ZBTB7C: variants seen among roughly 807,000 people sequenced by gnomAD.
The protein encoded by ZBTB7C is zinc finger and BTB domain-containing protein 7C.
ZBTB7C carries 8 observed loss-of-function variants against 25.7 expected under a neutral mutation model. That is an observed-to-expected ratio of 0.31 (90% CI 0.18 to 0.56). The LOEUF is 0.56. ZBTB7C is among the 20% of genes least tolerant of loss of function. ZBTB7C has a pLI of 0.91. For missense variants in ZBTB7C, 824 were observed against 855.2 expected, an observed-to-expected ratio of 0.96 and a Z score of 0.46; for synonymous variants, 394 against 369.0, an observed-to-expected ratio of 1.07 and a Z score of -0.78.
intron 3 of ZBTB7C, among the ~76,000 whole-genome samples, chr18:48,050,133 C>T (rs540552681): frequency 1.2e-4 from 19 of 152,278 alleles, no homozygotes; most frequent in Admixed American, 5.9e-4. Flanking sequence ...GGTCTTTACT[C>T]GTGGTCTGTA....
intron 3 of ZBTB7C, among the ~76,000 whole-genome samples, chr18:48,044,884 C>A (rs957040851): frequency 6.6e-6 from 1 of 152,212 alleles, no homozygotes; most frequent in African/African-American, 2.4e-5. Context: ...TTGTTACCAT[C>A]GTTCCCATTT....
intron 3 of ZBTB7C, among the ~76,000 whole-genome samples, chr18:48,093,794 G>A (rs1449288689): frequency 6.6e-6 from 1 of 152,166 alleles, no homozygotes; most frequent in African/African-American, 2.4e-5. Flanking sequence ...GGTGGCTCAC[G>A]CCTGTAATCC....
chr18:48,199,250 T>C (rs1182580792), intron 2 of ZBTB7C, among the ~76,000 whole-genome samples: 1 of 152,332 alleles, frequency 6.6e-6, no homozygotes, highest in South Asian at 2.1e-4. Context: ...GAAGCTCTTG[T>C]ATAACTTCTC....
At chr18:48,282,135 A>G (rs1259805147) in intron 2 of ZBTB7C, among the ~76,000 whole-genome samples, 1 of 151,292 alleles carries the variant, frequency 6.6e-6, no homozygotes, top group African/African-American at 2.4e-5. Flanking sequence ...GCAGCCATAA[A>G]AAATGATGAG....
intron 3 of ZBTB7C, among the ~76,000 whole-genome samples, chr18:48,178,831 C>T (rs2041776839): frequency 6.6e-6 from 1 of 152,166 alleles, no homozygotes; most frequent in South Asian, 2.1e-4. Flanking sequence ...GAGACACTGA[C>T]AGATCCAGGA....
upstream of ZBTB7C, among the ~76,000 whole-genome samples, chr18:48,411,958 T>G (rs1011984320): frequency 6.6e-6 from 1 of 152,262 alleles, no homozygotes. Context: ...AAACGTTGCT[T>G]TGCAATAATT....
At chr18:48,096,895 G>T (rs1338825876) in intron 3 of ZBTB7C, among the ~76,000 whole-genome samples, 2 of 152,244 alleles carry the variant, frequency 1.3e-5, no homozygotes, top group Admixed American at 6.5e-5. Flanking sequence ...AGTCCCGAAA[G>T]GGAAGTCTGA....
Position 48,029,105 on chromosome 18 carries a change from C to T in ZBTB7C, c.*155G>A, listed in dbSNP as rs1249136718. 8.8e-7 allele frequency: 1 copy of T among 1,136,332 alleles called. No homozygotes were observed. Among genetic ancestry groups the T allele is most frequent in the Non-Finnish European group, 1.2e-6 (1 of 850,200 alleles). The allele number at this position is 1,136,332 out of a possible 1,614,324, so 70.4% of individuals were successfully genotyped here. On this transcript the variant is annotated 3_prime_UTR_variant, in exon 5 of 5. Transcript: ENST00000590800. Reference sequence around the variant, plus strand: ...CAAAAGGAGGCAGCTGCTTTAGGAGCCCGGGAAAATGCCATCACTGATAGT... The same window carrying T: ...CAAAAGGAGGCAGCTGCTTTAGGAGTCCGGGAAAATGCCATCACTGATAGT...
intron 1 of ZBTB7C, among the ~76,000 whole-genome samples, chr18:48,350,097 G>T (rs938663614): frequency 4.6e-5 from 7 of 152,158 alleles, no homozygotes; most frequent in African/African-American, 1.7e-4. Context: ...TGTTTTGAGT[G>T]GAATATTAGC....
chr18:48,347,642 A>G, intron 1 of ZBTB7C, among the ~76,000 whole-genome samples: 1 of 152,154 alleles, frequency 6.6e-6, no homozygotes, highest in Non-Finnish European at 1.5e-5. Flanking sequence ...CCCTTACCTG[A>G]CCCAGCCAAC....
At chr18:48,078,213 C>A (rs2144459083) in intron 3 of ZBTB7C, among the ~76,000 whole-genome samples, 1 of 152,328 alleles carries the variant, frequency 6.6e-6, no homozygotes, top group Non-Finnish European at 1.5e-5. Context: ...AATTCTCAAG[C>A]TCCTGCAATA....
chr18:48,056,065 T>C (rs2036905000), intron 3 of ZBTB7C, among the ~76,000 whole-genome samples: 1 of 152,208 alleles, frequency 6.6e-6, no homozygotes. Context: ...TTGTGGATGA[T>C]ATGATTGGAT....
chr18:48,096,661 G>T (rs574724799), intron 3 of ZBTB7C, among the ~76,000 whole-genome samples: 1 of 152,088 alleles, frequency 6.6e-6, no homozygotes, highest in Admixed American at 6.5e-5. Context: ...CAGGTGAAAA[G>T]ATGCTCTCAC....
chr18:48,066,073 C>G (rs1414315165), intron 3 of ZBTB7C, among the ~76,000 whole-genome samples: 3 of 152,240 alleles, frequency 2.0e-5, no homozygotes, highest in Admixed American at 6.5e-5. Flanking sequence ...CATGTGGTAT[C>G]TGCTCTCTCC....
Position 48,040,485 on chromosome 18 carries a change from G to A in ZBTB7C, c.623C>T (p.Pro208Leu). The A allele has an allele frequency of 6.2e-7, 1 of 1,611,636 alleles. No individual in the cohort carries two copies. ...AGGACTGCCAGCCTGGAAGGAGTCA[G>A]GGAAGTCCCTGGGGGTGTCTGAATA... ...KAYSDTPRDFPDSFQAGSPGH... is the reference protein window; with the variant it reads ...KAYSDTPRDFLDSFQAGSPGH... Residue 208 changes from proline (P) to leucine (L), a missense_variant, in exon 4 of 5, where the codon CCT becomes CTT. By Grantham distance (98) the Pro-to-Leu change is moderately conservative. Transcript: ENST00000590800.
At chr18:48,073,422 G>A (rs1027827781) in intron 3 of ZBTB7C, among the ~76,000 whole-genome samples, 22 of 152,134 alleles carry the variant, frequency 1.4e-4, no homozygotes, top group African/African-American at 4.1e-4. Flanking sequence ...CGGGGAGGGC[G>A]GGAGGTGGTG....
Position 48,049,481 on chromosome 18 carries a change from G to A in ZBTB7C, c.-16-8358C>T, listed in dbSNP as rs115971943. ...TTACTCCCAGGATGCCAGCAAGTAG[G>A]AACATGGTAGACACTGTATGAATGA... On this transcript the variant is annotated intron_variant, in intron 3 of 4. Coordinates refer to ENST00000590800, the MANE Select transcript of ZBTB7C (RefSeq NM_001318841.2). 6.5e-3 allele frequency among the ~76,000 whole-genome samples: 997 copies of A among 152,256 alleles called. 12 individuals carry two copies. The highest frequency in any genetic ancestry group is 0.023 in the African/African-American group (936 of 41,526).
intron 2 of ZBTB7C, among the ~76,000 whole-genome samples, chr18:48,284,813 AGAG>A (rs2044991744): frequency 8.8e-6 from 1 of 114,218 alleles, no homozygotes; most frequent in African/African-American, 3.6e-5. Context: ...AAAAAAAAAC[AGAG>A]AGAGAGAGAG....
chr18:48,309,509 G>A (rs1425895129), intron 2 of ZBTB7C, among the ~76,000 whole-genome samples: 1 of 152,232 alleles, frequency 6.6e-6, no homozygotes, highest in African/African-American at 2.4e-5. Flanking sequence ...AGTGGCAGCA[G>A]GGGCTGCTCT....
Sources: gnomAD v4.1 joint callset for allele counts (sites outside exome capture counted in the v4.1 genomes callset) on GRCh38, gnomAD v4.1.1 for gene constraint, MANE v1.5 for transcripts, NCBI Gene and HGNC (gene_info 2026-07-23, HGNC 2026-07-21) for gene names.